RBM6: variants seen among roughly 807,000 people sequenced by gnomAD.
RBM6 encodes RNA-binding protein 6.
In RBM6, 23 loss-of-function variants were observed where a neutral mutation model predicts 140.4. The ratio of observed to expected loss-of-function variants is 0.16; its 90% CI spans 0.12 to 0.23. RBM6 has a LOEUF of 0.23. RBM6 is among the 10% of genes least tolerant of loss of function. The pLI is 1.00. For synonymous variants in RBM6, 439 were observed against 475.6 expected (o/e 0.92, Z 1.00); for missense variants, 1,139 against 1,386.7 (o/e 0.82, Z 2.84).
chr3:50,057,490 A>C (rs2089750351), intron 8 of RBM6, among the ~76,000 whole-genome samples: 1 of 146,924 alleles, frequency 6.8e-6, no homozygotes, highest in Admixed American at 7.1e-5. Flanking sequence ...CTGAAGGCTG[A>C]GGCAGGAGAA....
intron 6 of RBM6, among the ~76,000 whole-genome samples, chr3:50,035,922 G>C (rs2088512178): frequency 6.6e-6 from 1 of 151,874 alleles, no homozygotes; most frequent in South Asian, 2.1e-4. Context: ...ACCATGTCTG[G>C]CTAATTTTTT....
intron 1 of RBM6, among the ~76,000 whole-genome samples, chr3:49,942,098 CAA>C (rs71631037): frequency 1.4e-5 from 2 of 138,950 alleles, no homozygotes; most frequent in Admixed American, 1.5e-4. Context: ...AAGACTGTCT[CAA>C]AAAAAAAAAA....
chr3:49,971,555 G>A (rs1373252066), intron 3 of RBM6, among the ~76,000 whole-genome samples: 3 of 147,488 alleles, frequency 2.0e-5, no homozygotes, highest in Non-Finnish European at 3.0e-5. Context: ...CTTTTTTTTT[G>A]AGACGGGGGT....
chr3:50,004,106 T>C (rs1199979168), intron 6 of RBM6, among the ~76,000 whole-genome samples: 1 of 152,150 alleles, frequency 6.6e-6, no homozygotes, highest in African/African-American at 2.4e-5. Flanking sequence ...TGGCATTTGG[T>C]ATGCAGGGAT....
intron 6 of RBM6, among the ~76,000 whole-genome samples, chr3:50,034,271 A>G (rs2088373162): frequency 6.6e-6 from 1 of 151,734 alleles, no homozygotes; most frequent in Admixed American, 6.6e-5. Context: ...AGCGTGAGCC[A>G]TCACGCTCAG....
chr3:50,046,606 G>A (rs1309042695), intron 6 of RBM6, among the ~76,000 whole-genome samples: 1 of 151,672 alleles, frequency 6.6e-6, no homozygotes, highest in Non-Finnish European at 1.5e-5. Flanking sequence ...AAAAAAGGAG[G>A]GGGCGCTTCA....
At chr3:49,954,019 C>T (rs1237480784) in intron 1 of RBM6, among the ~76,000 whole-genome samples, 2 of 151,960 alleles carry the variant, frequency 1.3e-5, no homozygotes. Context: ...ATTTGTAGTC[C>T]CAGCTACTCA....
In RBM6 at chr3:49,982,262, C is replaced by CTTTTTTTTTTTTTTTTTTTT. The variant is rs751604271; in HGVS notation, c.1483+6879_1483+6898dup. Among the ~76,000 whole-genome samples, 7 of 68,424 alleles carry CTTTTTTTTTTTTTTTTTTTT rather than the reference C, an allele frequency of 1.0e-4. 1 individual carries two copies. Among genetic ancestry groups the CTTTTTTTTTTTTTTTTTTTT allele is most frequent in the African/African-American group, 3.6e-4 (6 of 16,748 alleles). The allele number at this position is 68,424 out of a possible 152,430, so 44.9% of individuals were successfully genotyped here. A position where few individuals can be genotyped will look rare whatever the true frequency, so the allele number is the denominator to read the frequency against. On this transcript the variant is annotated intron_variant, in intron 5 of 20. Transcript: ENST00000266022. The stretch of plus-strand genomic sequence containing the variant: ...GTACCTTCTGCATTTCTTTTCTTTT[C>CTTTTTTTTTTTTTTTTTTTT]TTTTTTTTTTTTTTTTTTTTTTTTT...
chr3:50,050,634 T>C (rs2108886796), intron 7 of RBM6, among the ~76,000 whole-genome samples: 2 of 152,316 alleles, frequency 1.3e-5, no homozygotes, highest in South Asian at 2.1e-4. Context: ...GTATTTCTTT[T>C]ATTTTATTAG....
chr3:49,989,340 C>T (rs372197905), intron 5 of RBM6, among the ~76,000 whole-genome samples: 38 of 151,976 alleles, frequency 2.5e-4, no homozygotes, highest in East Asian at 2.3e-3. Context: ...TTTGGGAGGC[C>T]GAGGCGGGTG....
chr3:49,942,602 CTG>C (rs2083335753), intron 1 of RBM6, among the ~76,000 whole-genome samples: 1 of 147,860 alleles, frequency 6.8e-6, no homozygotes, highest in South Asian at 2.2e-4. Context: ...AACAGAAACT[CTG>C]TAACCAGGGA....
chr3:50,048,839 G>C (rs1192684772), intron 7 of RBM6, among the ~76,000 whole-genome samples: 2 of 152,130 alleles, frequency 1.3e-5, no homozygotes, highest in South Asian at 2.1e-4. Flanking sequence ...ATCTCATTCT[G>C]TTGCCCAGGC....
At chr3:49,975,917 G>C (rs2085043327) in intron 5 of RBM6, among the ~76,000 whole-genome samples, 1 of 152,108 alleles carries the variant, frequency 6.6e-6, no homozygotes, top group Non-Finnish European at 1.5e-5. Context: ...CATCTGTTCT[G>C]TGGTCTGAAT....
intron 20 of RBM6, among the ~76,000 whole-genome samples, chr3:50,075,986 TGA>T (rs1392829357): frequency 6.6e-6 from 1 of 151,718 alleles, no homozygotes; most frequent in Non-Finnish European, 1.5e-5. Context: ...TTTTTTTTTT[TGA>T]GACAGAGTCT....
intron 4 of RBM6, among the ~76,000 whole-genome samples, 176 bp from the exon 5 acceptor site, chr3:49,975,147 A>G (rs2085006553): frequency 6.6e-6 from 1 of 152,082 alleles, no homozygotes; most frequent in Non-Finnish European, 1.5e-5. Flanking sequence ...CCAATTTTTG[A>G]ATAATTATGT....
intron 15 of RBM6, among the ~76,000 whole-genome samples, chr3:50,062,820 G>A (rs1175451423): frequency 6.6e-6 from 1 of 150,824 alleles, no homozygotes; most frequent in Admixed American, 6.6e-5. Context: ...AAAAATTCAC[G>A]GTATAACTGT....
chr3:50,030,494 C>T (rs78501564), intron 6 of RBM6, among the ~76,000 whole-genome samples: 3,725 of 151,986 alleles, frequency 0.025, 71 homozygotes, highest in Middle Eastern at 0.072. Context: ...TACTTTTTTC[C>T]TACAACTTTC....
At chr3:49,949,880 G>A (rs910698081) in intron 1 of RBM6, among the ~76,000 whole-genome samples, 11 of 151,962 alleles carry the variant, frequency 7.2e-5, no homozygotes, top group Admixed American at 2.0e-4. Context: ...ATACCACCAC[G>A]CTCAGCTAAT....
rs1167453504 is a variant in RBM6, at chr3:49,974,402, C to T, written c.1414-921C>T. Among the ~76,000 whole-genome samples the T allele has an allele frequency of 1.4e-4, 21 of 146,454 alleles. No individual in the cohort carries two copies. The East Asian group carries it at 2.0e-3, about 14-fold the overall frequency. The stretch of plus-strand genomic sequence containing the variant: ...TTTTTTTTTTTTTGAGATGGAGTCT[C>T]GCTCTGTTGCCCAGGCTGGAATGCA... On this transcript the variant is annotated intron_variant, in intron 4 of 20. Coordinates refer to ENST00000266022, the MANE Select transcript of RBM6 (RefSeq NM_005777.3).
Sources: gnomAD v4.1 joint callset for allele counts (sites outside exome capture counted in the v4.1 genomes callset) on GRCh38, gnomAD v4.1.1 for gene constraint, MANE v1.5 for transcripts, NCBI Gene and HGNC (gene_info 2026-07-23, HGNC 2026-07-21) for gene names.